Variants in CA4 observed in about 807,000 individuals in gnomAD.
CA4 encodes carbonic anhydrase 4, also known as CA-IV.
Under a neutral mutation model 34.5 loss-of-function variants are expected in CA4, and 24 were observed. The observed-to-expected ratio is 0.70, with a 90% CI of 0.50 to 0.98. The LOEUF (loss-of-function observed/expected upper bound fraction) is 0.98. Ranked by LOEUF, CA4 falls within the 50% of genes least tolerant of loss-of-function variation. The pLI, the probability that CA4 is intolerant of heterozygous loss-of-function variation, is 0.00. For synonymous variants in CA4, 178 were observed against 170.6 expected (o/e 1.04, Z -0.34); for missense variants, 394 against 396.7 (o/e 0.99, Z 0.06).
intron 5 of CA4, among the ~76,000 whole-genome samples, chr17:60,169,262 A>AAAAAAAAAAAAAGCAGC (rs1555574044): frequency 5.3e-5 from 8 of 149,762 alleles, no homozygotes; most frequent in African/African-American, 2.0e-4. Context: ...AAAAAAAAAA[A>AAAAAAAAAAAAAGCAGC]AGCAGCAGCA....
chr17:60,168,209 TGGG>T (rs1005810973), intron 5 of CA4, among the ~76,000 whole-genome samples: 1 of 61,170 alleles, frequency 1.6e-5, no homozygotes. Flanking sequence ...TTTTATTTTT[TGGG>T]GGGGCGTGGG....
Position 60,150,049 on chromosome 17 carries a change from G to A in CA4, c.15G>A (p.Leu5=), listed in dbSNP as rs1222308625. The change falls in exon 1 of 8, where the codon CTG becomes CTA. Residue 5 remains leucine, a synonymous_variant. Coordinates refer to ENST00000300900, the MANE Select transcript of CA4 (RefSeq NM_000717.5). MRML[L]ALLALSAARP... is the part of the protein sequence containing the mutation. ...TGTCCCGCAAGATGCGGATGCTGCTGGCGCTCCTGGCCCTCTCCGCGGCGC... is the reference window on the plus strand; with the variant it reads ...TGTCCCGCAAGATGCGGATGCTGCTAGCGCTCCTGGCCCTCTCCGCGGCGC... The A allele has an allele frequency of 6.2e-7, 1 of 1,601,964 alleles. No homozygotes were observed. Among genetic ancestry groups the A allele is most frequent in the Middle Eastern group, 1.7e-4 (1 of 5,942 alleles).
At chr17:60,159,630 G>T (rs895005014), downstream of CA4, 2 of 639,894 alleles carry the variant, frequency 3.1e-6, no homozygotes, top group East Asian at 5.5e-5. Context: ...GTTCCAGGGC[G>T]GGGGCTTTAA....
chr17:60,158,788 C>G (rs555281877), intron 7 of CA4: 2 of 429,566 alleles, frequency 4.7e-6, no homozygotes, highest in Non-Finnish European at 8.6e-6. Context: ...TCTCAAAGTG[C>G]GGCCCCTGGA....
chr17:60,159,118 C>T lies in CA4; in HGVS notation c.745-112C>T, dbSNP rs571708928. 663 of 895,276 alleles carry T rather than the reference C, an allele frequency of 7.4e-4. 2 individuals carry two copies. The South Asian group carries it at 8.5e-3, about 11-fold the overall frequency. 55.5% of individuals were successfully genotyped at this position (895,276 alleles called of 1,614,324 possible). On this transcript the variant is annotated intron_variant, in intron 7 of 7. Coordinates refer to ENST00000300900, the MANE Select transcript of CA4 (RefSeq NM_000717.5). Reference sequence around the variant, plus strand: ...ACCTTGAGAGCCAGGGGTTCAGAGCCCCTCTTTCCTAATGAGGGCTCCCAG... The same window carrying T: ...ACCTTGAGAGCCAGGGGTTCAGAGCTCCTCTTTCCTAATGAGGGCTCCCAG...
intron 1 of CA4, among the ~76,000 whole-genome samples, chr17:60,150,558 A>T (rs529365120): frequency 2.0e-5 from 3 of 147,822 alleles, no homozygotes; most frequent in South Asian, 4.4e-4. Context: ...CTGTAATCCC[A>T]GCTACTCGGG....
chr17:60,157,330 G>A (rs939413190), intron 3 of CA4, 97 bp from the exon 4 acceptor site: 5 of 1,407,502 alleles, frequency 3.6e-6, no homozygotes, highest in Non-Finnish European at 5.0e-6. Flanking sequence ...AGGTTGGGAG[G>A]CAGGAGACAA....
At chr17:60,163,236 C>G (rs547367398), downstream of CA4, among the ~76,000 whole-genome samples, 2 of 151,952 alleles carry the variant, frequency 1.3e-5, no homozygotes, top group Non-Finnish European at 1.5e-5. Flanking sequence ...TGCAGGCTGC[C>G]GTGTCTTAAA....
chr17:60,164,169 CCTCT>C (rs749131087), downstream of CA4, among the ~76,000 whole-genome samples: 75 of 140,940 alleles, frequency 5.3e-4, no homozygotes, highest in South Asian at 8.2e-3. Flanking sequence ...TCCCTCCCTC[CCTCT>C]CTCTCTCTCT....
downstream of CA4, among the ~76,000 whole-genome samples, chr17:60,174,201 A>T (rs1349662682): frequency 1.3e-5 from 2 of 152,110 alleles, no homozygotes; most frequent in Non-Finnish European, 2.9e-5. Context: ...TTGCAACAGC[A>T]GAACTAGAAT....
In CA4 at chr17:60,156,672, C is replaced by T. The variant is rs146160539; in HGVS notation, c.225C>T (p.Tyr75=). 4.9e-4 allele frequency: 792 copies of T among 1,614,050 alleles called. 4 individuals are homozygous for T. The African/African-American group carries it at 9.3e-3, about 19-fold the overall frequency. ...TGGGACGCTTCTTCTTCTCTGGCTACGATAAGAAGCAAACGTGGACTGTCC... is the reference window on the plus strand; with the variant it reads ...TGGGACGCTTCTTCTTCTCTGGCTATGATAAGAAGCAAACGTGGACTGTCC... ...KKLGRFFFSG[Y]DKKQTWTVQN... Residue 75 remains tyrosine, a synonymous_variant, in exon 3 of 8, where the codon TAC becomes TAT. Coordinates refer to ENST00000300900, the MANE Select transcript of CA4 (RefSeq NM_000717.5).
At chr17:60,172,716 C>T (rs901758891), downstream of CA4, among the ~76,000 whole-genome samples, 4 of 151,746 alleles carry the variant, frequency 2.6e-5, no homozygotes, top group Admixed American at 6.6e-5. Context: ...TGGTGGCGTG[C>T]GGCTGCAATC....
intron 5 of CA4, among the ~76,000 whole-genome samples, chr17:60,166,140 G>A (rs2083853243): frequency 6.6e-6 from 1 of 152,206 alleles, no homozygotes; most frequent in East Asian, 1.9e-4. Context: ...CCTCCTGTGT[G>A]ATTCTGGTGT....
At chr17:60,157,977 T>C (rs1171177201) in intron 5 of CA4, 84 bp from the exon 6 acceptor site, 1 of 1,574,820 alleles carries the variant, frequency 6.3e-7, no homozygotes, top group Non-Finnish European at 8.6e-7. Context: ...CTGCCTGGCC[T>C]TCCGCCCCCA....
downstream of CA4, among the ~76,000 whole-genome samples, chr17:60,164,498 TCCTG>T (rs2083835173): frequency 1.3e-5 from 2 of 152,252 alleles, no homozygotes; most frequent in South Asian, 4.1e-4. Context: ...CAAGTGATTC[TCCTG>T]CCTCAGCCTT....
intron 7 of CA4, 139 bp downstream of exon 7, chr17:60,158,585 C>T (rs1390168970): frequency 3.6e-6 from 3 of 822,164 alleles, no homozygotes; most frequent in Non-Finnish European, 5.9e-6. Context: ...CATCGACATT[C>T]ACTGAAGACA....
intron 7 of CA4, chr17:60,158,994 G>GC: frequency 1.7e-6 from 1 of 581,196 alleles, no homozygotes; most frequent in Non-Finnish European, 3.1e-6. Context: ...GGCATTGCGG[G>GC]CCCCCTGGGG....
rs1282835562 is a variant in CA4 at position 60,159,311 on chromosome 17, C to G, written c.826C>G (p.Leu276Val). Residue 276 changes from leucine (L) to valine (V), a missense_variant, in exon 8 of 8, where the codon CTG becomes GTG. Transcript: ENST00000300900. ...MKDNVRPLQQ[L>V]GQRTVIKSGA... ...GGACAATGTCAGGCCCCTGCAGCAGCTGGGGCAGCGCACGGTGATAAAGTC... is the reference window on the plus strand; with the variant it reads ...GGACAATGTCAGGCCCCTGCAGCAGGTGGGGCAGCGCACGGTGATAAAGTC... 6.2e-7 allele frequency: 1 copy of G among 1,610,036 alleles called. No individual in the cohort carries two copies. Among genetic ancestry groups the G allele is most frequent in the African/African-American group, 1.3e-5 (1 of 74,838 alleles).
chr17:60,152,803 G>A (rs2083615071), intron 1 of CA4, among the ~76,000 whole-genome samples: 1 of 152,216 alleles, frequency 6.6e-6, no homozygotes, highest in Non-Finnish European at 1.5e-5. Flanking sequence ...CCAGCACTGG[G>A]AATTTGGTGG....
Sources: gnomAD v4.1 joint callset for allele counts (sites outside exome capture counted in the v4.1 genomes callset) on GRCh38, gnomAD v4.1.1 for gene constraint, MANE v1.5 for transcripts, NCBI Gene and HGNC (gene_info 2026-07-23, HGNC 2026-07-21) for gene names.